C18orf63: variants seen among roughly 807,000 people sequenced by gnomAD.
C18orf63 encodes the protein chromosome 18 open reading frame 63, also known as uncharacterized protein C18orf63.
C18orf63 carries 50 observed loss-of-function variants against 75.3 expected under a neutral mutation model. The ratio of observed to expected loss-of-function variants is 0.66; its 90% CI spans 0.53 to 0.84. C18orf63 has a LOEUF of 0.84. C18orf63 is among the 40% of genes least tolerant of loss of function. The pLI is 0.00. For missense variants in C18orf63, 732 were observed against 800.2 expected, an observed-to-expected ratio of 0.91 and a Z score of 1.03; for synonymous variants, 232 against 267.6, an observed-to-expected ratio of 0.87 and a Z score of 1.30.
At position 74,327,988 on chromosome 18, in the gene C18orf63, C is replaced by T. The variant is rs1218456473; in HGVS notation, c.312C>T (p.Asn104=). The T allele has an allele frequency of 6.5e-7, 1 of 1,535,606 alleles. No homozygotes were observed. ...PQRVIPVILQ[N]CLSYSFMARL... ...GAGTAATTCCTGTAATTCTTCAGAACTGCCTGTCATATTCATTCATGGCTA... is the reference window on the plus strand; with the variant it reads ...GAGTAATTCCTGTAATTCTTCAGAATTGCCTGTCATATTCATTCATGGCTA... The change falls in exon 5 of 14, where the codon AAC becomes AAT. Residue 104 remains asparagine (N), a synonymous_variant. Coordinates refer to ENST00000579455, the MANE Select transcript of C18orf63 (RefSeq NM_001174123.2).
At chr18:74,340,985 C>T (rs1381371567) in intron 8 of C18orf63, among the ~76,000 whole-genome samples, 1 of 152,108 alleles carries the variant, frequency 6.6e-6, no homozygotes, top group Non-Finnish European at 1.5e-5. Flanking sequence ...TAGGTTGGGG[C>T]CGGGCGCGGT....
chr18:74,327,269 C>T (rs1028941623), intron 4 of C18orf63, among the ~76,000 whole-genome samples: 1 of 152,124 alleles, frequency 6.6e-6, no homozygotes, highest in African/African-American at 2.4e-5. Context: ...AGCACCTAGA[C>T]CCATTTAGAT....
chr18:74,346,473 T>C (rs979364366), intron 11 of C18orf63, among the ~76,000 whole-genome samples: 4 of 152,166 alleles, frequency 2.6e-5, no homozygotes, highest in African/African-American at 9.7e-5. Context: ...ACAATCTAGA[T>C]ACAAAGGCCT....
At chr18:74,351,454 G>A (rs914230926) in intron 11 of C18orf63, among the ~76,000 whole-genome samples, 3 of 152,110 alleles carry the variant, frequency 2.0e-5, no homozygotes, top group African/African-American at 7.2e-5. Flanking sequence ...GGGGACATTT[G>A]TTCTTGGAAC....
intron 7 of C18orf63, among the ~76,000 whole-genome samples, chr18:74,338,264 G>A (rs1218246693): frequency 6.6e-6 from 1 of 152,032 alleles, no homozygotes; most frequent in Admixed American, 6.5e-5. Flanking sequence ...GGTATAAAAG[G>A]AGACTGGAGC....
chr18:74,336,933 C>T (rs77963242), intron 7 of C18orf63, among the ~76,000 whole-genome samples: 5,468 of 152,154 alleles, frequency 0.036, 196 homozygotes, highest in East Asian at 0.19. Context: ...CTCCTCTCTG[C>T]CTCCATTTAT....
intron 3 of C18orf63, among the ~76,000 whole-genome samples, chr18:74,322,189 G>A (rs1032253147): frequency 1.2e-4 from 19 of 152,194 alleles, no homozygotes; most frequent in African/African-American, 3.4e-4. Flanking sequence ...GCTTTTTGCC[G>A]GATTGCATGT....
At chr18:74,341,688 A>G (rs1215956126) in intron 8 of C18orf63, among the ~76,000 whole-genome samples, 2 of 152,186 alleles carry the variant, frequency 1.3e-5, no homozygotes, top group African/African-American at 2.4e-5. Flanking sequence ...CACTGTCTCA[A>G]AAAATAAATA....
At position 74,353,579 on chromosome 18, in the gene C18orf63, G is replaced by A; in HGVS notation, c.1312G>A (p.Val438Ile). 2.0e-6 allele frequency: 3 copies of A among 1,536,396 alleles called. No individual in the cohort carries two copies. Among genetic ancestry groups the A allele is most frequent in the South Asian group, 2.4e-5 (2 of 84,060 alleles). Residue 438 changes from valine to isoleucine, a missense_variant, in exon 12 of 14, where the codon GTT becomes ATT. Transcript: ENST00000579455. The part of the protein sequence containing the change: ...QSNITPKFVP[V>I]FKNRLLQMNK... ...CAACATCACCCCTAAGTTTGTACCA[G>A]TTTTCAAAAATAGATTGTTACAAAT...
In C18orf63 at chr18:74,353,405, G is replaced by GGCATTTTCTCAGCTTT; in HGVS notation, c.1143_1158dup (p.Leu387PhefsTer14). 2.6e-6 allele frequency: 4 copies of GGCATTTTCTCAGCTTT among 1,536,278 alleles called. No homozygotes were observed. The highest frequency in any genetic ancestry group is 3.5e-6 in the Non-Finnish European group (4 of 1,146,938). On this transcript the variant is annotated frameshift_variant, in exon 12 of 14. Coordinates refer to ENST00000579455, the MANE Select transcript of C18orf63 (RefSeq NM_001174123.2). LOFTEE classifies it high-confidence loss of function. ...GCTTTCAGTCAGCCAGCCAACATCA[G>GGCATTTTCTCAGCTTT]GCATTTTCTCAGCTTTGCATCTCCA...
intron 11 of C18orf63, among the ~76,000 whole-genome samples, chr18:74,346,132 C>T (rs1568239538): frequency 6.6e-6 from 1 of 151,882 alleles, no homozygotes; most frequent in Non-Finnish European, 1.5e-5. Context: ...TTTGTACTTC[C>T]TATACATAAA....
chr18:74,343,699 A>G lies in C18orf63; in HGVS notation c.975A>G (p.Ile325Met). 1.3e-6 allele frequency: 2 copies of G among 1,507,834 alleles called. No individual in the cohort carries two copies. Among genetic ancestry groups the G allele is most frequent in the Non-Finnish European group, 1.8e-6 (2 of 1,131,200 alleles). The allele number at this position is 1,507,834 out of a possible 1,614,324, so 93.4% of individuals were successfully genotyped here. ...YYTQELTKPN[I>M]QEHKVKPPNL... ...CACAAGAACTAACTAAACCTAATATACAGGTAAGAGATCTCTTGTCCTATC... is the reference window on the plus strand; with the variant it reads ...CACAAGAACTAACTAAACCTAATATGCAGGTAAGAGATCTCTTGTCCTATC... Residue 325 changes from isoleucine to methionine, a missense_variant, in exon 11 of 14, where the codon ATA (isoleucine) becomes ATG (methionine). Physicochemically the swap from Ile to Met is conservative, Grantham distance 10 (BLOSUM62 1). Coordinates refer to ENST00000579455, the MANE Select transcript of C18orf63 (RefSeq NM_001174123.2).
chr18:74,345,431 G>T (rs1425105189), intron 11 of C18orf63, among the ~76,000 whole-genome samples: 8 of 151,702 alleles, frequency 5.3e-5, no homozygotes, highest in Non-Finnish European at 1.2e-4. Flanking sequence ...GCTACTTTTT[G>T]TACCCTGTTT....
intron 11 of C18orf63, among the ~76,000 whole-genome samples, chr18:74,352,513 T>C (rs1269742461): frequency 1.3e-5 from 2 of 152,202 alleles, no homozygotes; most frequent in African/African-American, 4.8e-5. Flanking sequence ...AAATACTTGC[T>C]GAATTGCTAC....
At chr18:74,318,562 G>A (rs974942306) in intron 2 of C18orf63, among the ~76,000 whole-genome samples, 2 of 152,146 alleles carry the variant, frequency 1.3e-5, no homozygotes, top group African/African-American at 4.8e-5. Flanking sequence ...AGGCCAAGGT[G>A]AGCGGATCAC....
Position 74,353,281 on chromosome 18 carries a change from A to T in C18orf63, c.1014A>T (p.Lys338Asn). Residue 338 changes from lysine (K) to asparagine (N), a missense_variant, in exon 12 of 14, where the codon AAA (lysine) becomes AAT (asparagine). This residue lies in a region of C18orf63 where 495 missense variants were observed against 508.7 expected (regional missense o/e 0.97). Transcript: ENST00000579455. ...TCAAGCCACCCAATTTGACCACTAA[A>T]AAAATGCTTAGGGCATCTCTGACTC... ...HKVKPPNLTT[K>N]KMLRASLTQA... 2 of 1,536,272 alleles carry T rather than the reference A, an allele frequency of 1.3e-6. No individual in the cohort carries two copies. The highest frequency in any genetic ancestry group is 1.7e-6 in the Non-Finnish European group (2 of 1,146,842).
chr18:74,329,290 G>A (rs1454709570), intron 6 of C18orf63, among the ~76,000 whole-genome samples: 3 of 147,474 alleles, frequency 2.0e-5, no homozygotes, highest in African/African-American at 7.5e-5. Context: ...TGGAGAGCCA[G>A]TTGAGCACAG....
intron 7 of C18orf63, among the ~76,000 whole-genome samples, chr18:74,333,557 G>A (rs142727083): frequency 1.3e-5 from 2 of 152,304 alleles, no homozygotes; most frequent in African/African-American, 4.8e-5. Flanking sequence ...GCAGAGCAAA[G>A]GGGGAAAGGC....
Position 74,353,473 on chromosome 18 carries a change from G to T in C18orf63, c.1206G>T (p.Arg402Ser). 6.5e-7 allele frequency: 1 copy of T among 1,536,300 alleles called. No homozygotes were observed. Among genetic ancestry groups the T allele is most frequent in the South Asian group, 1.2e-5 (1 of 84,062 alleles). The change falls in exon 12 of 14, where the codon AGG becomes AGT. Residue 402 changes from arginine (R) to serine (S), a missense_variant. By Grantham distance (110) the Arg-to-Ser change is moderately radical (BLOSUM62 -1). Transcript: ENST00000579455. ...VQGRKKSLSI[R>S]APQVHSEVLM... Reference sequence around the variant, plus strand: ...GTAGAAAGAAATCCCTGTCTATCAGGGCTCCACAAGTACATTCAGAAGTAT... The same window carrying T: ...GTAGAAAGAAATCCCTGTCTATCAGTGCTCCACAAGTACATTCAGAAGTAT...
Sources: gnomAD v4.1 joint callset for allele counts (sites outside exome capture counted in the v4.1 genomes callset) on GRCh38, gnomAD v4.1.1 for gene constraint, gnomAD v4.1.1 regional missense constraint, MANE v1.5 for transcripts, NCBI Gene and HGNC (gene_info 2026-07-23, HGNC 2026-07-21) for gene names.